TIMP2: variants seen among roughly 807,000 people sequenced by gnomAD.
The protein encoded by TIMP2 is TIMP metallopeptidase inhibitor 2.
Under a neutral mutation model 24.3 loss-of-function variants are expected in TIMP2, and 5 were observed. The observed-to-expected ratio is 0.21, with a 90% CI of 0.11 to 0.43. The LOEUF is 0.43. Among genes scored for constraint, TIMP2 ranks in the 20% least tolerant of loss-of-function variants. The probability of loss-of-function intolerance (pLI) is 1.00; values close to 1 mark genes in which losing one functional copy is unlikely to be tolerated. For synonymous variants in TIMP2, 130 were observed against 123.2 expected, an observed-to-expected ratio of 1.06 and a Z score of -0.37; for missense variants, 221 against 297.5, an observed-to-expected ratio of 0.74 and a Z score of 1.89.
chr17:78,890,111 G>A (rs1328705712), intron 1 of TIMP2, among the ~76,000 whole-genome samples: 5 of 150,884 alleles, frequency 3.3e-5, no homozygotes, highest in African/African-American at 9.9e-5. Context: ...GCAAGACTCC[G>A]TCTCAATCAA....
intron 1 of TIMP2, among the ~76,000 whole-genome samples, chr17:78,875,623 C>T (rs868208345): frequency 5.9e-5 from 9 of 152,126 alleles, no homozygotes; most frequent in African/African-American, 1.4e-4. Flanking sequence ...CTCAGCTCTT[C>T]AGGGTCACTC....
At chr17:78,897,123 C>T (rs1035361664) in intron 1 of TIMP2, 25 of 408,638 alleles carry the variant, frequency 6.1e-5, no homozygotes, top group Non-Finnish European at 7.3e-5. Flanking sequence ...GGCCTCCTCA[C>T]CCCCTCCGAA....
intron 3 of TIMP2, among the ~76,000 whole-genome samples, chr17:78,863,709 G>A (rs528572647): frequency 2.0e-5 from 3 of 152,114 alleles, no homozygotes; most frequent in South Asian, 2.1e-4. Context: ...TCTCTGTATC[G>A]ACTCACCAGC....
At chr17:78,885,257 C>G (rs1021588374) in intron 1 of TIMP2, among the ~76,000 whole-genome samples, 1 of 152,188 alleles carries the variant, frequency 6.6e-6, no homozygotes, top group Admixed American at 6.5e-5. Flanking sequence ...GAGTGAGGCG[C>G]GAACACGGAA....
intron 3 of TIMP2, among the ~76,000 whole-genome samples, chr17:78,858,690 T>C (rs2069545032): frequency 6.6e-6 from 1 of 152,076 alleles, no homozygotes; most frequent in Admixed American, 6.6e-5. Context: ...CCTGCTAATT[T>C]TTTATATTTT....
At chr17:78,870,421 A>AAAG (rs2069669043) in intron 3 of TIMP2, among the ~76,000 whole-genome samples, 7 of 68,406 alleles carry the variant, frequency 1.0e-4, no homozygotes, top group African/African-American at 3.0e-4. Context: ...GTCTCAAAAA[A>AAAG]AAAGAAAGAA....
At chr17:78,893,114 T>C (rs2069928567) in intron 1 of TIMP2, among the ~76,000 whole-genome samples, 1 of 148,246 alleles carries the variant, frequency 6.7e-6, no homozygotes, top group Non-Finnish European at 1.5e-5. Flanking sequence ...TGTGTGCACA[T>C]GCACATGTGT....
intron 1 of TIMP2, among the ~76,000 whole-genome samples, chr17:78,894,076 G>C (rs924588224): frequency 6.6e-6 from 1 of 152,192 alleles, no homozygotes; most frequent in African/African-American, 2.4e-5. Flanking sequence ...AGTTGCAGGA[G>C]TCAGAAAATA....
intron 1 of TIMP2, among the ~76,000 whole-genome samples, chr17:78,877,464 G>A (rs564561300): frequency 2.0e-5 from 3 of 152,084 alleles, no homozygotes; most frequent in African/African-American, 7.2e-5. Flanking sequence ...CAGGAGAATC[G>A]CTTGAACCCA....
chr17:78,917,551 T>A (rs950939355), intron 1 of TIMP2, among the ~76,000 whole-genome samples: 1 of 152,190 alleles, frequency 6.6e-6, no homozygotes, highest in African/African-American at 2.4e-5. Flanking sequence ...AAGAAGCAGG[T>A]ATCTAAGACA....
intron 1 of TIMP2, among the ~76,000 whole-genome samples, chr17:78,923,383 G>A (rs187914771): frequency 0.03 from 3,762 of 125,912 alleles, 221 homozygotes; most frequent in African/African-American, 0.1. Flanking sequence ...AGGAGTGTGT[G>A]TGTGGGGCGG....
chr17:78,887,605 G>A (rs1020385544), intron 1 of TIMP2, among the ~76,000 whole-genome samples: 1 of 151,886 alleles, frequency 6.6e-6, no homozygotes, highest in Non-Finnish European at 1.5e-5. Flanking sequence ...GGCTGGCCTC[G>A]AACTCATGAC....
At chr17:78,908,786 C>T (rs953017330) in intron 1 of TIMP2, among the ~76,000 whole-genome samples, 3 of 152,232 alleles carry the variant, frequency 2.0e-5, no homozygotes, top group Non-Finnish European at 2.9e-5. Flanking sequence ...CAGACTGTTC[C>T]TTTATTCCCT....
intron 1 of TIMP2, among the ~76,000 whole-genome samples, chr17:78,878,764 G>A (rs1429492641): frequency 1.3e-5 from 2 of 152,156 alleles, no homozygotes; most frequent in Non-Finnish European, 2.9e-5. Context: ...GGGGCCTGGA[G>A]GAGCAGAGCC....
At chr17:78,921,689 G>A (rs2070309672) in intron 1 of TIMP2, among the ~76,000 whole-genome samples, 1 of 152,196 alleles carries the variant, frequency 6.6e-6, no homozygotes, top group African/African-American at 2.4e-5. Context: ...GACACAAAAT[G>A]CTTCCCGTTT....
intron 1 of TIMP2, among the ~76,000 whole-genome samples, chr17:78,923,968 A>AGG (rs1260884126): frequency 6.6e-6 from 1 of 152,132 alleles, no homozygotes; most frequent in African/African-American, 2.4e-5. Context: ...AGAAGGAAGG[A>AGG]GGGCAGGGGG....
intron 1 of TIMP2, among the ~76,000 whole-genome samples, chr17:78,908,811 T>A (rs571051241): frequency 6.6e-6 from 1 of 152,202 alleles, no homozygotes; most frequent in African/African-American, 2.4e-5. Context: ...TGGAGCCAAC[T>A]GGGCCAAGTG....
intron 1 of TIMP2, chr17:78,890,732 TC>T: frequency 6.4e-7 from 1 of 1,550,682 alleles, no homozygotes; most frequent in Non-Finnish European, 8.7e-7. Flanking sequence ...CTGCTGCTGG[TC>T]TCGGATCATC....
At chr17:78,901,786 G>A (rs778595734) in intron 1 of TIMP2, 2 of 717,168 alleles carry the variant, frequency 2.8e-6, no homozygotes, top group Non-Finnish European at 5.2e-6. Flanking sequence ...GGTACTTACT[G>A]TGTGTGTCTC....
Sources: gnomAD v4.1 joint callset for allele counts (sites outside exome capture counted in the v4.1 genomes callset) on GRCh38, gnomAD v4.1.1 for gene constraint, MANE v1.5 for transcripts, NCBI Gene and HGNC (gene_info 2026-07-23, HGNC 2026-07-21) for gene names.